The following MMEL1 variants were observed in gnomAD, a reference collection of about 807,000 sequenced individuals.
MMEL1 encodes membrane metallo-endopeptidase-like 1.
In MMEL1, 98 loss-of-function variants were observed where a neutral mutation model predicts 117.1. The observed-to-expected ratio is 0.84, with a 90% CI of 0.71 to 0.99. The LOEUF (loss-of-function observed/expected upper bound fraction) is 0.99, where lower values mean the gene tolerates loss of function less well. Ranked by LOEUF, MMEL1 falls within the 50% of genes least tolerant of loss-of-function variation. The pLI, the probability that MMEL1 is intolerant of heterozygous loss-of-function variation, is 0.00. For missense variants in MMEL1, 1,014 were observed against 1,049.1 expected, an observed-to-expected ratio of 0.97 and a Z score of 0.46; for synonymous variants, 390 against 415.1, an observed-to-expected ratio of 0.94 and a Z score of 0.74.
At chr1:2,617,791 A>G (rs1009922739) in intron 2 of MMEL1, among the ~76,000 whole-genome samples, 1 of 152,212 alleles carries the variant, frequency 6.6e-6, no homozygotes, top group Non-Finnish European at 1.5e-5. Context: ...TTTTGACACA[A>G]TGGCTGAAAA....
At chr1:2,598,116 T>G in intron 13 of MMEL1, 91 bp downstream of exon 13, 2 of 1,221,606 alleles carry the variant, frequency 1.6e-6, no homozygotes, top group Admixed American at 3.4e-5. Context: ...GACCCTGGTG[T>G]GGACCTCGGT....
At chr1:2,615,805 T>C (rs1209458994) in intron 2 of MMEL1, among the ~76,000 whole-genome samples, 1 of 152,196 alleles carries the variant, frequency 6.6e-6, no homozygotes, top group Non-Finnish European at 1.5e-5. Flanking sequence ...CTCAGACCTG[T>C]AGGACAATGT....
chr1:2,617,170 G>T (rs1036863266), intron 2 of MMEL1, among the ~76,000 whole-genome samples: 1 of 151,924 alleles, frequency 6.6e-6, no homozygotes, highest in African/African-American at 2.4e-5. Flanking sequence ...GCTCACGCCT[G>T]TAATCCCAGC....
chr1:2,609,034 TACACACACACACACACACACAC>T (rs70956312), intron 6 of MMEL1, among the ~76,000 whole-genome samples: 6 of 144,762 alleles, frequency 4.1e-5, no homozygotes, highest in African/African-American at 1.3e-4. Flanking sequence ...ATCCATATAA[TACACACACACACACACACACAC>T]ACACACACAC....
intron 2 of MMEL1, among the ~76,000 whole-genome samples, chr1:2,622,681 T>G (rs61765771): frequency 0.059 from 8,932 of 151,538 alleles, 376 homozygotes; most frequent in South Asian, 0.098. Context: ...GGTCAGGAGT[T>G]TGAGAGCAGC....
intron 11 of MMEL1, among the ~76,000 whole-genome samples, chr1:2,599,813 C>T (rs1644902761): frequency 6.6e-6 from 1 of 150,662 alleles, no homozygotes; most frequent in Non-Finnish European, 1.5e-5. Flanking sequence ...GCTGAGATCA[C>T]TCCACTGCGC....
rs376539506 is a variant in MMEL1 at position 2,605,661 on chromosome 1, C to T, written c.751-38G>A. The T allele has an allele frequency of 9.6e-6, 15 of 1,563,138 alleles. 1 individual carries two copies. Among genetic ancestry groups the T allele is most frequent in the East Asian group, 2.3e-5 (1 of 44,412 alleles). On this transcript the variant is annotated intron_variant, in intron 8 of 23. Transcript: ENST00000378412. ...AAGGTGTGACCCTGGGCAAGGGGCC[C>T]GGGGTCCCCGCAGCCTGGCTGAGGC... is the stretch of plus-strand genomic sequence containing the variant.
In MMEL1 at chr1:2,595,869, C is replaced by A. The variant is rs577171992; in HGVS notation, c.1500+140G>T. 1 of 659,516 alleles carries A rather than the reference C, an allele frequency of 1.5e-6. No homozygotes were observed. The highest frequency in any genetic ancestry group is 2.7e-6 in the Non-Finnish European group (1 of 368,900). The allele number at this position is 659,516 out of a possible 1,614,324, so 40.9% of individuals were successfully genotyped here. On this transcript the variant is annotated intron_variant, in intron 15 of 23. Transcript: ENST00000378412. This position sits in a 1 kb window ranked among gnomAD's most constrained non-coding sequence, Gnocchi z 4.8. Reference sequence around the variant, plus strand: ...GGGGTCCTGTCTGCGCCTCCCGGGGCTGCCTTCTCCCCGTGGGGTCCTGTC... The same window carrying A: ...GGGGTCCTGTCTGCGCCTCCCGGGGATGCCTTCTCCCCGTGGGGTCCTGTC...
intron 11 of MMEL1, among the ~76,000 whole-genome samples, chr1:2,600,850 CAAAATGATTCTATTTATAGTAG>C (rs938878379): frequency 6.6e-6 from 1 of 152,090 alleles, no homozygotes; most frequent in African/African-American, 2.4e-5. Context: ...AAGATAATTT[CAAAATGATTCTATTTATAGTAG>C]AAAACCAAAC....
Position 2,598,838 on chromosome 1 carries a change from A to G in MMEL1, c.1042-48T>C, listed in dbSNP as rs1644888056. 4 of 1,530,320 alleles carry G rather than the reference A, an allele frequency of 2.6e-6. No individual in the cohort carries two copies. In the East Asian group the frequency reaches 9.1e-5, roughly 35 times the overall value. 94.8% of individuals were successfully genotyped at this position (1,530,320 alleles called of 1,614,324 possible). A position where few individuals can be genotyped will look rare whatever the true frequency, so the allele number is the denominator to read the frequency against. ...GAAAGAGGGAGAGAGAGAGAGGGAGAAACAGTTCCTGGGAATCTAAGAAAC... is the reference window on the plus strand; with the variant it reads ...GAAAGAGGGAGAGAGAGAGAGGGAGGAACAGTTCCTGGGAATCTAAGAAAC... On this transcript the variant is annotated intron_variant, in intron 11 of 23. Coordinates refer to ENST00000378412, the MANE Select transcript of MMEL1 (RefSeq NM_033467.4).
At chr1:2,610,917 T>C (rs900904902) in intron 4 of MMEL1, among the ~76,000 whole-genome samples, 1 of 152,212 alleles carries the variant, frequency 6.6e-6, no homozygotes, top group Admixed American at 6.6e-5. Context: ...CATCTGCAAA[T>C]AGCGGTACCT....
At chr1:2,627,333 C>T (rs1638323997) in intron 2 of MMEL1, among the ~76,000 whole-genome samples, 1 of 152,346 alleles carries the variant, frequency 6.6e-6, no homozygotes, top group South Asian at 2.1e-4. Flanking sequence ...TTTTAGCATA[C>T]ACACTTCAGT....
At chr1:2,607,793 T>C (rs1467642058) in intron 6 of MMEL1, among the ~76,000 whole-genome samples, 1 of 151,862 alleles carries the variant, frequency 6.6e-6, no homozygotes, top group African/African-American at 2.4e-5. Context: ...GCGGGCTCAC[T>C]AGAGGCCGGC....
rs1251404923 is a variant in MMEL1, at chr1:2,598,055, G to A, written c.1272+152C>T. 5.9e-6 allele frequency: 4 copies of A among 678,670 alleles called. No homozygotes were observed. The Admixed American group carries it at 9.6e-5, about 16-fold the overall frequency. 42.0% of individuals were successfully genotyped at this position (678,670 alleles called of 1,614,324 possible). On this transcript the variant is annotated intron_variant, in intron 13 of 23. Transcript: ENST00000378412. ...TACGTTCTGCCTTGTTGACTGTCAT[G>A]GTCCACTCCCCACTGGGGTGGGCGC...
At chr1:2,611,865 C>T (rs1645135194) in intron 3 of MMEL1, among the ~76,000 whole-genome samples, 1 of 152,226 alleles carries the variant, frequency 6.6e-6, no homozygotes, top group Non-Finnish European at 1.5e-5. Context: ...CCGGCCTGCC[C>T]CACCCCTGTG....
Position 2,591,609 on chromosome 1 carries a change from C to T in MMEL1, c.2188G>A (p.Glu730Lys), listed in dbSNP as rs763533171. ...GTCTTGATGGATTGGATGGCGAACT[C>T]GGGCCGGTAGGACCCGCACCACACC... is the stretch of plus-strand genomic sequence containing the variant. ...AQVWCGSYRP[E>K]FAIQSIKTDV... The change falls in exon 23 of 24, where the codon GAG becomes AAG. Residue 730 changes from glutamate to lysine, a missense_variant. Coordinates refer to ENST00000378412, the MANE Select transcript of MMEL1 (RefSeq NM_033467.4). The T allele has an allele frequency of 4.8e-5, 70 of 1,471,010 alleles. No individual in the cohort carries two copies. Among genetic ancestry groups the T allele is most frequent in the Non-Finnish European group, 5.8e-5 (63 of 1,092,628 alleles). 91.1% of individuals were successfully genotyped at this position (1,471,010 alleles called of 1,614,324 possible). A position where few individuals can be genotyped will look rare whatever the true frequency, so the allele number is the denominator to read the frequency against.
intron 9 of MMEL1, 132 bp downstream of exon 9, chr1:2,605,426 G>T: frequency 1.3e-6 from 1 of 775,452 alleles, no homozygotes; most frequent in South Asian, 1.6e-5. Flanking sequence ...CCTCAGTGCC[G>T]GGCTCAACCT....
Position 2,594,905 on chromosome 1 carries a change from G to A in MMEL1, c.1585-12C>T. On this transcript the variant is annotated splice_polypyrimidine_tract_variant and intron_variant, in intron 16 of 23. Coordinates refer to ENST00000378412, the MANE Select transcript of MMEL1 (RefSeq NM_033467.4). ...TCTGAGAAGTTCAGCTACGGGAGAG[G>A]GGCAGTCACTGCCAGATGCTGGGGC... The A allele has an allele frequency of 6.2e-7, 1 of 1,608,668 alleles. No homozygotes were observed. The highest frequency in any genetic ancestry group is 2.2e-5 in the East Asian group (1 of 44,860).
At chr1:2,629,571 G>A (rs1424326663) in intron 1 of MMEL1, 50 bp from the exon 2 acceptor site, 2 of 1,368,278 alleles carry the variant, frequency 1.5e-6, no homozygotes, top group Non-Finnish European at 1.9e-6. Context: ...AGCTCCCCGA[G>A]CCCGGCCCGA....
Sources: gnomAD v4.1 joint callset for allele counts (sites outside exome capture counted in the v4.1 genomes callset) on GRCh38, gnomAD v4.1.1 for gene constraint, Gnocchi (gnomAD v3.1) non-coding constraint, MANE v1.5 for transcripts, NCBI Gene and HGNC (gene_info 2026-07-23, HGNC 2026-07-21) for gene names.